Variants in EYA1 observed in about 807,000 individuals in gnomAD.
EYA1 encodes EYA transcriptional coactivator and phosphatase 1.
EYA1 carries 16 observed loss-of-function variants against 82.0 expected under a neutral mutation model. That is an observed-to-expected ratio of 0.20 (90% CI 0.13 to 0.30). The LOEUF (loss-of-function observed/expected upper bound fraction) is 0.30. Among genes scored for constraint, EYA1 ranks in the 10% least tolerant of loss-of-function variants. The pLI, the probability that EYA1 is intolerant of heterozygous loss-of-function variation, is 1.00. For missense variants in EYA1, 633 were observed against 730.7 expected (o/e 0.87, Z 1.54); for synonymous variants, 261 against 264.4 (o/e 0.99, Z 0.12).
intron 2 of EYA1, among the ~76,000 whole-genome samples, chr8:71,488,100 T>C (rs1323970627): frequency 6.6e-6 from 1 of 152,066 alleles, no homozygotes; most frequent in Non-Finnish European, 1.5e-5. Flanking sequence ...AAAGGATAAA[T>C]AAATTATGAT....
chr8:71,405,088 G>T (rs1011643855), intron 2 of EYA1, among the ~76,000 whole-genome samples: 6 of 152,142 alleles, frequency 3.9e-5, no homozygotes, highest in African/African-American at 1.4e-4. Context: ...TTACAAATAA[G>T]AGTAGTACAA....
At chr8:71,413,361 C>T (rs1020709355) in intron 2 of EYA1, among the ~76,000 whole-genome samples, 4 of 152,180 alleles carry the variant, frequency 2.6e-5, no homozygotes, top group Non-Finnish European at 4.4e-5. Flanking sequence ...ATTTGAGTGC[C>T]TTCCATATGC....
chr8:71,236,576 G>A (rs1811865159), intron 12 of EYA1, among the ~76,000 whole-genome samples: 1 of 152,116 alleles, frequency 6.6e-6, no homozygotes. Context: ...CATGGGGGGT[G>A]GGTATATTAT....
At chr8:71,540,369 C>A (rs1023264589) in intron 1 of EYA1, among the ~76,000 whole-genome samples, 1 of 152,210 alleles carries the variant, frequency 6.6e-6, no homozygotes, top group Non-Finnish European at 1.5e-5. Context: ...AATAGCACCC[C>A]ATTGTACAGG....
At chr8:71,255,336 A>T (rs961844967) in intron 11 of EYA1, among the ~76,000 whole-genome samples, 1 of 152,206 alleles carries the variant, frequency 6.6e-6, no homozygotes, top group African/African-American at 2.4e-5. Flanking sequence ...ACACTTGCCA[A>T]TTTCAAAACT....
intron 12 of EYA1, among the ~76,000 whole-genome samples, chr8:71,221,053 A>C (rs2128864493): frequency 6.6e-6 from 1 of 152,366 alleles, no homozygotes; most frequent in South Asian, 2.1e-4. Flanking sequence ...TAGGATCCAA[A>C]TGAACATCGT....
rs754082186 is a variant in EYA1 at position 71,321,790 on chromosome 8, G to T, written c.362C>A (p.Ala121Asp). Reference protein sequence around the residue: ...QTQFTTGMQQATAYATYPQPG... With the variant: ...QTQFTTGMQQDTAYATYPQPG... Reference sequence around the variant, plus strand: ...CTGTGGGTACGTGGCATAGGCTGTAGCTTGTTGCATTCCTGTGGTAAACTG... The same window carrying T: ...CTGTGGGTACGTGGCATAGGCTGTATCTTGTTGCATTCCTGTGGTAAACTG... The change falls in exon 6 of 18, where the codon GCT becomes GAT. Residue 121 changes from alanine (A) to aspartate (D), a missense_variant. Ala to Asp is a moderately radical substitution (Grantham distance 126). Transcript: ENST00000340726. The T allele has an allele frequency of 1.2e-6, 2 of 1,614,242 alleles. No individual in the cohort carries two copies. Among genetic ancestry groups the T allele is most frequent in the South Asian group, 2.2e-5 (2 of 91,086 alleles).
At chr8:71,480,030 G>T (rs865966834) in intron 2 of EYA1, among the ~76,000 whole-genome samples, 7 of 151,980 alleles carry the variant, frequency 4.6e-5, no homozygotes, top group Middle Eastern at 3.4e-3. Flanking sequence ...GATACATGTG[G>T]TCACTTAAAT....
At chr8:71,407,678 A>C (rs1830335461) in intron 2 of EYA1, among the ~76,000 whole-genome samples, 1 of 120,760 alleles carries the variant, frequency 8.3e-6, no homozygotes, top group Admixed American at 8.1e-5. Context: ...GAGAAAAAAG[A>C]ATAAAAAGAA....
intron 16 of EYA1, among the ~76,000 whole-genome samples, chr8:71,213,075 A>G (rs1434692450): frequency 6.6e-6 from 1 of 152,178 alleles, no homozygotes; most frequent in Non-Finnish European, 1.5e-5. Context: ...GTCAAAAGAA[A>G]AAAAAAATTG....
chr8:71,238,344 G>A (rs551686107), intron 12 of EYA1, among the ~76,000 whole-genome samples: 1 of 152,130 alleles, frequency 6.6e-6, no homozygotes, highest in African/African-American at 2.4e-5. Flanking sequence ...TTTAATAATT[G>A]GTTCAGTCAG....
chr8:71,336,625 T>G (rs1255483377), intron 3 of EYA1, among the ~76,000 whole-genome samples: 1 of 152,178 alleles, frequency 6.6e-6, no homozygotes, highest in Non-Finnish European at 1.5e-5. Flanking sequence ...CAATTATACT[T>G]GAAATCCATT....
chr8:71,233,393 T>C (rs772015929), intron 12 of EYA1, among the ~76,000 whole-genome samples: 4 of 151,860 alleles, frequency 2.6e-5, no homozygotes, highest in Non-Finnish European at 4.4e-5. Flanking sequence ...TGAAACCCCG[T>C]CTCTACTAAA....
chr8:71,331,243 AAT>A (rs1435741119), intron 4 of EYA1, among the ~76,000 whole-genome samples: 2 of 104,260 alleles, frequency 1.9e-5, no homozygotes, highest in African/African-American at 9.1e-5. Flanking sequence ...TAAATAAATA[AAT>A]ACACACACAC....
intron 9 of EYA1, among the ~76,000 whole-genome samples, chr8:71,289,237 A>T (rs1223782766): frequency 6.6e-6 from 1 of 152,216 alleles, no homozygotes; most frequent in Non-Finnish European, 1.5e-5. Flanking sequence ...GAGTGAACTG[A>T]TTCAGGAAGT....
intron 1 of EYA1, among the ~76,000 whole-genome samples, chr8:71,545,463 AC>A (rs1315468845): frequency 1.3e-5 from 2 of 151,184 alleles, no homozygotes; most frequent in African/African-American, 4.9e-5. Context: ...TTATTATAAC[AC>A]CTCTCTCTCT....
Position 71,322,218 on chromosome 8 carries a change from G to A in EYA1, c.253C>T (p.Pro85Ser), listed in dbSNP as rs1237828849. ...TCTTACTTGGAAGGGTAAATCTGTGGTGGAGAGAACTGGTGAGTTGGTCGT... is the reference window on the plus strand; with the variant it reads ...TCTTACTTGGAAGGGTAAATCTGTGATGGAGAGAACTGGTGAGTTGGTCGT... Reference protein sequence around the residue: ...SPRPTHQFSPPQIYPSNRPYP... With the variant: ...SPRPTHQFSPSQIYPSNRPYP... The change falls in exon 5 of 18, where the codon CCA (proline) becomes TCA (serine). Residue 85 changes from proline (P) to serine (S), a missense_variant. Pro to Ser is a moderately conservative substitution (Grantham distance 74, BLOSUM62 -1). Coordinates refer to ENST00000340726, the MANE Select transcript of EYA1 (RefSeq NM_000503.6). 10 of 1,613,790 alleles carry A rather than the reference G, an allele frequency of 6.2e-6. No homozygotes were observed. In the African/African-American group the frequency reaches 1.2e-4, roughly 19 times the overall value.
chr8:71,404,031 G>C (rs1830090348), intron 2 of EYA1: 2 of 152,196 alleles, frequency 1.3e-5, no homozygotes, highest in Non-Finnish European at 2.9e-5. Flanking sequence ...ATTGATTGTT[G>C]TGGTCAGTTT....
chr8:71,203,908 T>C (rs772550697), intron 17 of EYA1, among the ~76,000 whole-genome samples: 6 of 152,158 alleles, frequency 3.9e-5, no homozygotes, highest in Non-Finnish European at 7.4e-5. Context: ...GAACCCCAAA[T>C]CATGTCTGAG....
Sources: gnomAD v4.1 joint callset for allele counts (sites outside exome capture counted in the v4.1 genomes callset) on GRCh38, gnomAD v4.1.1 for gene constraint, MANE v1.5 for transcripts, NCBI Gene and HGNC (gene_info 2026-07-23, HGNC 2026-07-21) for gene names.